Variants in STPG1 observed in about 807,000 individuals in gnomAD.
The protein encoded by STPG1 is O(6)-methylguanine-induced apoptosis 2.
A neutral mutation model predicts 40.1 loss-of-function variants in STPG1; 33 were observed. The ratio of observed to expected loss-of-function variants is 0.82; its 90% confidence interval spans 0.62 to 1.10. The LOEUF is 1.10. Ranked by LOEUF, STPG1 falls within the 50% of genes least tolerant of loss-of-function variation. The pLI is 0.00. For missense variants in STPG1, 396 were observed against 415.1 expected, an observed-to-expected ratio of 0.95 and a Z score of 0.40; for synonymous variants, 150 against 155.0, an observed-to-expected ratio of 0.97 and a Z score of 0.24.
chr1:24,380,615 A>G (rs958916961), intron 4 of STPG1, among the ~76,000 whole-genome samples: 1 of 152,226 alleles, frequency 6.6e-6, no homozygotes, highest in Non-Finnish European at 1.5e-5. Context: ...ACAAACACAG[A>G]AAGTGGGTGA....
chr1:24,372,181 A>C (rs1641783008), intron 6 of STPG1, among the ~76,000 whole-genome samples: 1 of 152,166 alleles, frequency 6.6e-6, no homozygotes, highest in African/African-American at 2.4e-5. Context: ...CCATCTCCAA[A>C]AAAACAAAAC....
At chr1:24,392,170 G>T (rs1416453519) in intron 2 of STPG1, 3 of 692,232 alleles carry the variant, frequency 4.3e-6, no homozygotes, top group Admixed American at 1.3e-4. Context: ...CAAGACAGGT[G>T]TAAGTTTTCG....
chr1:24,391,710 T>A (rs1160054430), intron 2 of STPG1, 31 bp from the exon 3 acceptor site: 1 of 1,439,020 alleles, frequency 6.9e-7, no homozygotes, highest in Admixed American at 2.1e-5. Flanking sequence ...AAAATCAAAA[T>A]GAATACAAAA....
chr1:24,381,985 G>A (rs1030631355), intron 4 of STPG1, among the ~76,000 whole-genome samples: 1 of 152,212 alleles, frequency 6.6e-6, no homozygotes, highest in Non-Finnish European at 1.5e-5. Context: ...GCTTATACCT[G>A]AGTGTAACAT....
chr1:24,372,118 C>T (rs147327678), intron 6 of STPG1, among the ~76,000 whole-genome samples: 1,928 of 152,240 alleles, frequency 0.013, 45 homozygotes, highest in African/African-American at 0.044. Context: ...GCGGAGGTTG[C>T]GGTGAGCCGA....
chr1:24,369,816 G>T lies in STPG1; in HGVS notation c.595C>A (p.Leu199Ile). 6.2e-7 allele frequency: 1 copy of T among 1,608,252 alleles called. No individual in the cohort carries two copies. The change falls in exon 7 of 9, where the codon CTT (leucine) becomes ATT (isoleucine). Residue 199 changes from leucine (L) to isoleucine (I), a missense_variant. By Grantham distance (5) the Leu-to-Ile change is conservative. Coordinates refer to ENST00000337248, the MANE Select transcript of STPG1 (RefSeq NM_001199013.2). Reference sequence around the variant, plus strand: ...AATGTATTTGGCGACTGCTTCACAAGGGATTCGTTGATATCATAATGCCCT... The same window carrying T: ...AATGTATTTGGCGACTGCTTCACAATGGATTCGTTGATATCATAATGCCCT... ...PPGHYDINES[L>I]VKQSPNTLMS...
chr1:24,360,774 T>C (rs1277575857), intron 8 of STPG1, 77 bp downstream of exon 8: 10 of 1,315,122 alleles, frequency 7.6e-6, no homozygotes, highest in South Asian at 1.4e-5. Context: ...TATAAATCAA[T>C]GGCATTTGAT....
Position 24,375,384 on chromosome 1 carries a change from C to CA in STPG1, c.463-1575dup, listed in dbSNP as rs902570749. On this transcript the variant is annotated intron_variant, in intron 5 of 8. Transcript: ENST00000337248. ...TTGATTTGCTGTGATACTCCTTTGT[C>CA]AAAAAAAATGTTTCTCGAGAAATGC... Among the ~76,000 whole-genome samples the CA allele has an allele frequency of 5.3e-5, 8 of 151,690 alleles. No homozygotes were observed. In the East Asian group the frequency reaches 1.2e-3, roughly 22 times the overall value.
intron 6 of STPG1, among the ~76,000 whole-genome samples, chr1:24,370,617 A>G (rs1393044369): frequency 5.3e-5 from 8 of 151,920 alleles, no homozygotes; most frequent in Non-Finnish European, 1.5e-5. Context: ...TCAGCCTCCC[A>G]AGTAGCTGGG....
chr1:24,374,015 C>A (rs1313204614), intron 5 of STPG1, among the ~76,000 whole-genome samples: 1 of 152,124 alleles, frequency 6.6e-6, no homozygotes, highest in Non-Finnish European at 1.5e-5. Context: ...AGTTTGTGAT[C>A]CCTGGAAAAT....
intron 1 of STPG1, chr1:24,410,747 A>C (rs1570113916): frequency 6.6e-6 from 1 of 152,316 alleles, no homozygotes; most frequent in South Asian, 2.1e-4. Context: ...ATGTGAACAG[A>C]GCACTGCCCA....
intron 7 of STPG1, among the ~76,000 whole-genome samples, chr1:24,365,468 A>G (rs1352901658): frequency 6.6e-6 from 1 of 152,190 alleles, no homozygotes; most frequent in Non-Finnish European, 1.5e-5. Context: ...CTTGGCTGAT[A>G]CTTCACTTTG....
chr1:24,402,288 T>G (rs1643256021), intron 1 of STPG1, among the ~76,000 whole-genome samples: 2 of 152,224 alleles, frequency 1.3e-5, no homozygotes, highest in African/African-American at 4.8e-5. Flanking sequence ...TATTGTTGCA[T>G]AGATCAGTAC....
chr1:24,399,980 T>G lies in STPG1; in HGVS notation c.70+1339A>C, dbSNP rs1643155452. 6.6e-6 allele frequency among the ~76,000 whole-genome samples: 1 copy of G among 152,186 alleles called. No homozygotes were observed. The highest frequency in any genetic ancestry group is 1.5e-5 in the Non-Finnish European group (1 of 68,028). Reference sequence around the variant, plus strand: ...AACTGTTTGGCAATATCAACTAAGCTTACCCTAAACATACCCTATGACCCA... The same window carrying G: ...AACTGTTTGGCAATATCAACTAAGCGTACCCTAAACATACCCTATGACCCA... On this transcript the variant is annotated intron_variant, in intron 2 of 8. Coordinates refer to ENST00000337248, the MANE Select transcript of STPG1 (RefSeq NM_001199013.2). This position sits in a 1 kb window ranked among gnomAD's most constrained non-coding sequence, Gnocchi z 4.0.
chr1:24,379,569 G>T, intron 5 of STPG1, 84 bp downstream of exon 5: 1 of 1,467,168 alleles, frequency 6.8e-7, no homozygotes, highest in Non-Finnish European at 9.5e-7. Context: ...ATTAAAATAC[G>T]ATGTCCCCAA....
At chr1:24,405,330 A>G (rs1443895338) in intron 1 of STPG1, among the ~76,000 whole-genome samples, 1 of 152,184 alleles carries the variant, frequency 6.6e-6, no homozygotes, top group Non-Finnish European at 1.5e-5. Flanking sequence ...GGCATCTCAT[A>G]TATTTTAACA....
chr1:24,362,075 GA>G (rs1240552736), intron 7 of STPG1, among the ~76,000 whole-genome samples: 1 of 152,208 alleles, frequency 6.6e-6, no homozygotes, highest in Non-Finnish European at 1.5e-5. Flanking sequence ...TCTCCGCACT[GA>G]ATGGCCAAGG....
intron 1 of STPG1, among the ~76,000 whole-genome samples, chr1:24,408,502 C>T (rs915670062): frequency 6.6e-6 from 1 of 152,226 alleles, no homozygotes; most frequent in African/African-American, 2.4e-5. Flanking sequence ...TTTGGCCTCT[C>T]TGAATTCTTA....
At position 24,399,299 on chromosome 1, in the gene STPG1, AG is replaced by A. The variant is rs1357382659; in HGVS notation, c.70+2019del. ...TGGACACTTGATTTATGACAAAGGT[AG>A]CAACAGCAATACAGAGTAGTAGAGA... On this transcript the variant is annotated intron_variant, in intron 2 of 8. Coordinates refer to ENST00000337248, the MANE Select transcript of STPG1 (RefSeq NM_001199013.2). This position sits in a 1 kb window ranked among gnomAD's most constrained non-coding sequence, Gnocchi z 4.0. Among the ~76,000 whole-genome samples, 1 of 152,192 alleles carries A rather than the reference AG, an allele frequency of 6.6e-6. No homozygotes were observed. Among genetic ancestry groups the A allele is most frequent in the Non-Finnish European group, 1.5e-5 (1 of 68,004 alleles).
Sources: gnomAD v4.1 joint callset for allele counts (sites outside exome capture counted in the v4.1 genomes callset) on GRCh38, gnomAD v4.1.1 for gene constraint, Gnocchi (gnomAD v3.1) non-coding constraint, MANE v1.5 for transcripts, NCBI Gene and HGNC (gene_info 2026-07-23, HGNC 2026-07-21) for gene names.